Variants in MAP3K4 observed in about 807,000 individuals in gnomAD.
The protein encoded by MAP3K4 is mitogen-activated protein kinase kinase kinase 4.
MAP3K4 carries 67 observed loss-of-function variants against 185.6 expected under a neutral mutation model. That is an observed-to-expected ratio of 0.36 (90% CI 0.30 to 0.44). MAP3K4 has a LOEUF of 0.44. Among genes scored for constraint, MAP3K4 ranks in the 20% least tolerant of loss-of-function variants. The pLI, the probability that MAP3K4 is intolerant of heterozygous loss-of-function variation, is 1.00. For missense variants in MAP3K4, 1,551 were observed against 1,995.1 expected, an observed-to-expected ratio of 0.78 and a Z score of 4.24; for synonymous variants, 702 against 710.4, an observed-to-expected ratio of 0.99 and a Z score of 0.19.
chr6:160,994,710 G>GT (rs937137057), intron 1 of MAP3K4, among the ~76,000 whole-genome samples: 8 of 151,898 alleles, frequency 5.3e-5, no homozygotes, highest in East Asian at 1.9e-4. Context: ...GGTTTTTTTA[G>GT]TTTTTTTTGA....
rs1778113179 is a variant in MAP3K4 at position 161,107,051 on chromosome 6, C to CAT, written c.4048+347_4048+348insTA. Reference sequence around the variant, plus strand: ...CTCTCTCTCTCTACACACGCGCGCGCACACACACACACACACACACACACA... The same window carrying CAT: ...CTCTCTCTCTCTACACACGCGCGCGCATACACACACACACACACACACACACA... On this transcript the variant is annotated intron_variant, in intron 20 of 26. Transcript: ENST00000392142. This position sits in a 1 kb window ranked among gnomAD's most constrained non-coding sequence, Gnocchi z 6.2. Among the ~76,000 whole-genome samples the CAT allele has an allele frequency of 1.1e-5, 1 of 89,980 alleles. No individual in the cohort carries two copies. Among genetic ancestry groups the CAT allele is most frequent in the African/African-American group, 4.8e-5 (1 of 20,902 alleles). The allele number at this position is 89,980 out of a possible 152,430, so 59.0% of individuals were successfully genotyped here.
Position 161,073,420 on chromosome 6 carries a change from T to G in MAP3K4, c.1951-46T>G, listed in dbSNP as rs1485580768. ...AGGAAGATATAAAACACGGATCGTC[T>G]GGTTGGAGTTTATGGCTGCTGGAAC... On this transcript the variant is annotated intron_variant, in intron 4 of 26. Coordinates refer to ENST00000392142, the MANE Select transcript of MAP3K4 (RefSeq NM_005922.4). This position sits in a 1 kb window ranked among gnomAD's most constrained non-coding sequence, Gnocchi z 4.2. 2.0e-6 allele frequency: 3 copies of G among 1,501,512 alleles called. No individual in the cohort carries two copies. The highest frequency in any genetic ancestry group is 1.8e-4 in the Middle Eastern group (1 of 5,658). The allele number at this position is 1,501,512 out of a possible 1,614,324, so 93.0% of individuals were successfully genotyped here. A position where few individuals can be genotyped will look rare whatever the true frequency, so the allele number is the denominator to read the frequency against.
chr6:161,101,829 C>A lies in MAP3K4; in HGVS notation c.3675-63C>A. The A allele has an allele frequency of 7.2e-7, 1 of 1,384,898 alleles. No homozygotes were observed. The highest frequency in any genetic ancestry group is 1.0e-6 in the Non-Finnish European group (1 of 981,890). The allele number at this position is 1,384,898 out of a possible 1,614,324, so 85.8% of individuals were successfully genotyped here. ...GAGAATTATTGCTCTAGAAAAATCT[C>A]GCAGATCTTTCATTTTAAGTTCTAT... On this transcript the variant is annotated intron_variant, in intron 17 of 26. Coordinates refer to ENST00000392142, the MANE Select transcript of MAP3K4 (RefSeq NM_005922.4). The surrounding 1 kb of genome is among the most constrained non-coding windows in gnomAD (Gnocchi z 5.1).
chr6:161,048,196 C>A lies in MAP3K4; in HGVS notation c.344-420C>A, dbSNP rs753230615. Reference sequence around the variant, plus strand: ...TTTACGTGATTTCCTCTTAAGTTTACACATTTAGCTAATGACAAATGCAGG... The same window carrying A: ...TTTACGTGATTTCCTCTTAAGTTTAAACATTTAGCTAATGACAAATGCAGG... On this transcript the variant is annotated intron_variant, in intron 2 of 26. Coordinates refer to ENST00000392142, the MANE Select transcript of MAP3K4 (RefSeq NM_005922.4). This position sits in a 1 kb window ranked among gnomAD's most constrained non-coding sequence, Gnocchi z 4.7. The A allele has an allele frequency of 1.2e-5, 6 of 519,444 alleles. No homozygotes were observed. The highest frequency in any genetic ancestry group is 5.9e-5 in the South Asian group (4 of 68,316). The allele number at this position is 519,444 out of a possible 1,614,324, so 32.2% of individuals were successfully genotyped here.
In MAP3K4 at chr6:161,104,739, AT is replaced by A. The variant is rs57696608; in HGVS notation, c.3857-1766del. 7.1e-3 allele frequency among the ~76,000 whole-genome samples: 1,076 copies of A among 150,954 alleles called. 13 individuals carry two copies. The highest frequency in any genetic ancestry group is 0.066 in the Middle Eastern group (19 of 290). On this transcript the variant is annotated intron_variant, in intron 19 of 26. Coordinates refer to ENST00000392142, the MANE Select transcript of MAP3K4 (RefSeq NM_005922.4). ...AAAAAAAAAAAAGGAATCTTGAGAA[AT>A]TTTTTTTTAAGCGTTTCTCAGAAAT...
rs912760079 is a variant in MAP3K4, at chr6:161,054,165, T to C, written c.1707+4186T>C. ...TGTAAGCATGCTTTACAAAATAATT[T>C]TTTTTTGAGACAGAGTTTCGCTCTT... is the stretch of plus-strand genomic sequence containing the variant. On this transcript the variant is annotated intron_variant, in intron 3 of 26. Coordinates refer to ENST00000392142, the MANE Select transcript of MAP3K4 (RefSeq NM_005922.4). This position sits in a 1 kb window ranked among gnomAD's most constrained non-coding sequence, Gnocchi z 4.2. Among the ~76,000 whole-genome samples the C allele has an allele frequency of 2.6e-5, 4 of 152,240 alleles. No homozygotes were observed. Among genetic ancestry groups the C allele is most frequent in the African/African-American group, 9.6e-5 (4 of 41,468 alleles).
In MAP3K4 at chr6:161,101,963, G is replaced by A. The variant is rs371980229; in HGVS notation, c.3746G>A (p.Arg1249His). ...AAELQFRSLSRHSSPTEERDE... is the reference protein window; with the variant it reads ...AAELQFRSLSHHSSPTEERDE... ...GAATTGCAGTTTAGGTCCCTGAGTCGTCACTCAAGCCCCACGGAGGAGCGA... is the reference window on the plus strand; with the variant it reads ...GAATTGCAGTTTAGGTCCCTGAGTCATCACTCAAGCCCCACGGAGGAGCGA... The change falls in exon 18 of 27, where the codon CGT (arginine) becomes CAT (histidine). Residue 1249 changes from arginine to histidine, a missense_variant. Physicochemically the swap from Arg to His is conservative, Grantham distance 29. Transcript: ENST00000392142. This position sits in a 1 kb window ranked among gnomAD's most constrained non-coding sequence, Gnocchi z 5.1. The A allele has an allele frequency of 6.8e-6, 11 of 1,613,984 alleles. No individual in the cohort carries two copies. The highest frequency in any genetic ancestry group is 8.5e-6 in the Non-Finnish European group (10 of 1,179,992).
At chr6:161,081,222 C>T (rs1339043285) in intron 6 of MAP3K4, among the ~76,000 whole-genome samples, 184 bp downstream of exon 6, 5 of 147,516 alleles carry the variant, frequency 3.4e-5, no homozygotes, top group South Asian at 2.2e-4. Context: ...GATTTTTTCC[C>T]CTTGGGGACA....
chr6:161,026,344 C>A (rs1019883578), intron 1 of MAP3K4, among the ~76,000 whole-genome samples: 5 of 151,896 alleles, frequency 3.3e-5, no homozygotes, highest in Non-Finnish European at 7.4e-5. Flanking sequence ...ACCATGTTAG[C>A]CAGGATGGTC....
chr6:161,102,799 A>T lies in MAP3K4; in HGVS notation c.3856+20A>T. On this transcript the variant is annotated intron_variant, in intron 19 of 26. Coordinates refer to ENST00000392142, the MANE Select transcript of MAP3K4 (RefSeq NM_005922.4). Reference sequence around the variant, plus strand: ...GTAAAGGTGAGAGAAAGAGTGTTGAAGTTAAAAAAAAAAAAAAAAAAAAAA... The same window carrying T: ...GTAAAGGTGAGAGAAAGAGTGTTGATGTTAAAAAAAAAAAAAAAAAAAAAA... 1.1e-6 allele frequency: 1 copy of T among 924,244 alleles called. No homozygotes were observed. The allele number at this position is 924,244 out of a possible 1,614,324, so 57.3% of individuals were successfully genotyped here. A position where few individuals can be genotyped will look rare whatever the true frequency, so the allele number is the denominator to read the frequency against.
chr6:161,065,330 T>G (rs190796888), intron 3 of MAP3K4, among the ~76,000 whole-genome samples: 1 of 152,356 alleles, frequency 6.6e-6, no homozygotes, highest in Non-Finnish European at 1.5e-5. Flanking sequence ...TTGGCTAGGC[T>G]TGATCTGGGG....
intron 2 of MAP3K4, among the ~76,000 whole-genome samples, chr6:161,044,551 G>A (rs1471967760): frequency 6.6e-6 from 1 of 152,126 alleles, no homozygotes; most frequent in Non-Finnish European, 1.5e-5. Flanking sequence ...GTTGTTCTCA[G>A]ATCTCCCTTA....
chr6:160,992,594 T>C (rs1330065137), intron 1 of MAP3K4, among the ~76,000 whole-genome samples: 4 of 152,150 alleles, frequency 2.6e-5, no homozygotes, highest in Non-Finnish European at 4.4e-5. Context: ...CCGTGAGAAA[T>C]TGCACTTAGA....
chr6:161,006,489 A>T (rs536394331), intron 1 of MAP3K4, among the ~76,000 whole-genome samples: 13 of 152,242 alleles, frequency 8.5e-5, no homozygotes, highest in Non-Finnish European at 1.2e-4. Flanking sequence ...AATAAAGTAT[A>T]TGGAAGGATG....
At chr6:161,038,807 T>C (rs1230252271) in intron 2 of MAP3K4, among the ~76,000 whole-genome samples, 1 of 152,210 alleles carries the variant, frequency 6.6e-6, no homozygotes, top group African/African-American at 2.4e-5. Context: ...TTTTTTTGTC[T>C]GCATAGTGTC....
At chr6:160,992,225 G>C in intron 1 of MAP3K4, 142 bp downstream of exon 1, 1 of 1,186,692 alleles carries the variant, frequency 8.4e-7, no homozygotes, top group Non-Finnish European at 1.1e-6. Context: ...GGAGGGGCGC[G>C]GTGCATCCCT....
In MAP3K4 at chr6:161,097,667, G is replaced by A. The variant is rs1227363772; in HGVS notation, c.3524+491G>A. Among the ~76,000 whole-genome samples, 2 of 152,218 alleles carry A rather than the reference G, an allele frequency of 1.3e-5. No homozygotes were observed. Among genetic ancestry groups the A allele is most frequent in the African/African-American group, 4.8e-5 (2 of 41,456 alleles). On this transcript the variant is annotated intron_variant, in intron 16 of 26. Transcript: ENST00000392142. This position sits in a 1 kb window ranked among gnomAD's most constrained non-coding sequence, Gnocchi z 4.9. ...TACATTCACGATAACTGCCTTGAATGTGGTGGCATTTCTGCATCTTGAGGT... is the reference window on the plus strand; with the variant it reads ...TACATTCACGATAACTGCCTTGAATATGGTGGCATTTCTGCATCTTGAGGT...
At position 161,082,969 on chromosome 6, in the gene MAP3K4, G is replaced by C. The variant is rs546039623; in HGVS notation, c.2256-1532G>C. 1.3e-5 allele frequency among the ~76,000 whole-genome samples: 2 copies of C among 152,154 alleles called. No individual in the cohort carries two copies. The highest frequency in any genetic ancestry group is 1.3e-4 in the Admixed American group (2 of 15,282). ...ACGTAAGACTGCCTAACAATGGCCC[G>C]CAAGGCCTGACATGGTCCTATTTCT... On this transcript the variant is annotated intron_variant, in intron 6 of 26. Transcript: ENST00000392142. The surrounding 1 kb of genome is among the most constrained non-coding windows in gnomAD (Gnocchi z 4.2).
At position 161,056,637 on chromosome 6, in the gene MAP3K4, C is replaced by T. The variant is rs1201709182; in HGVS notation, c.1707+6658C>T. Among the ~76,000 whole-genome samples the T allele has an allele frequency of 1.3e-5, 2 of 152,160 alleles. No individual in the cohort carries two copies. Among genetic ancestry groups the T allele is most frequent in the Non-Finnish European group, 2.9e-5 (2 of 68,026 alleles). ...TAGTTTCAGAATTGCTAACCAGTAC[C>T]CCTGTGAGGAATAAATTTATCAACT... is the stretch of plus-strand genomic sequence containing the variant. On this transcript the variant is annotated intron_variant, in intron 3 of 26. Coordinates refer to ENST00000392142, the MANE Select transcript of MAP3K4 (RefSeq NM_005922.4). The surrounding 1 kb of genome is among the most constrained non-coding windows in gnomAD (Gnocchi z 5.4).
Sources: allele counts gnomAD v4.1 joint callset (sites outside exome capture counted in the v4.1 genomes callset), GRCh38; gene constraint gnomAD v4.1.1; non-coding constraint Gnocchi (gnomAD v3.1); transcripts MANE v1.5; gene names NCBI Gene and HGNC (gene_info 2026-07-23, HGNC 2026-07-21).